Variants in SFMBT2 observed in about 807,000 individuals in gnomAD.
SFMBT2 encodes Scm like with four mbt domains 2.
Under a neutral mutation model 110.1 loss-of-function variants are expected in SFMBT2, and 38 were observed. The ratio of observed to expected loss-of-function variants is 0.35; its 90% CI spans 0.27 to 0.45. The LOEUF is 0.45. Among genes scored for constraint, SFMBT2 ranks in the 20% least tolerant of loss-of-function variants. SFMBT2 has a pLI of 1.00. For missense variants in SFMBT2, 1,011 were observed against 1,094.9 expected, an observed-to-expected ratio of 0.92 and a Z score of 1.08; for synonymous variants, 425 against 425.4, an observed-to-expected ratio of 1.00 and a Z score of 0.01.
At chr10:7,392,280 C>T (rs1435355438) in intron 1 of SFMBT2, among the ~76,000 whole-genome samples, 2 of 152,104 alleles carry the variant, frequency 1.3e-5, no homozygotes, top group African/African-American at 2.4e-5. Flanking sequence ...TTTGGGAGGC[C>T]GAGGTGGGCG....
At chr10:7,165,769 T>C (rs1244131129) in intron 20 of SFMBT2, among the ~76,000 whole-genome samples, 1 of 152,216 alleles carries the variant, frequency 6.6e-6, no homozygotes, top group African/African-American at 2.4e-5. Flanking sequence ...TCATGCTATG[T>C]TTATATCATT....
At position 7,172,839 on chromosome 10, in the gene SFMBT2, G is replaced by A. The variant is rs1588764004; in HGVS notation, c.1985-178C>T. 6.6e-6 allele frequency among the ~76,000 whole-genome samples: 1 copy of A among 152,342 alleles called. No homozygotes were observed. The highest frequency in any genetic ancestry group is 1.9e-4 in the East Asian group (1 of 5,186). On this transcript the variant is annotated intron_variant, in intron 17 of 20. Transcript: ENST00000397167. This position sits in a 1 kb window ranked among gnomAD's most constrained non-coding sequence, Gnocchi z 4.6. ...GCACTGCTCCAAAGCTTCAGGTCTG[G>A]AAGGTGTTCGGGCTGAACTTGGCCC...
intron 4 of SFMBT2, among the ~76,000 whole-genome samples, chr10:7,357,415 T>C (rs183442175): frequency 1.3e-5 from 2 of 152,060 alleles, no homozygotes; most frequent in East Asian, 3.9e-4. Context: ...CCAAATAGAT[T>C]GAAAGGCTGA....
At chr10:7,240,807 C>T (rs1458352118) in intron 9 of SFMBT2, among the ~76,000 whole-genome samples, 1 of 152,146 alleles carries the variant, frequency 6.6e-6, no homozygotes, top group African/African-American at 2.4e-5. Flanking sequence ...GTGTGCTCTT[C>T]TGAGGTTATT....
intron 4 of SFMBT2, among the ~76,000 whole-genome samples, chr10:7,330,690 ATCTC>A (rs1197870445): frequency 6.6e-6 from 1 of 151,634 alleles, no homozygotes; most frequent in African/African-American, 2.4e-5. Flanking sequence ...TCTTCCTCCC[ATCTC>A]TCTCTATCCC....
intron 10 of SFMBT2, among the ~76,000 whole-genome samples, chr10:7,221,650 T>A (rs1248595176): frequency 6.6e-6 from 1 of 152,182 alleles, no homozygotes; most frequent in African/African-American, 2.4e-5. Flanking sequence ...TTTGAAACTA[T>A]CTTTATTTTC....
At chr10:7,176,924 GC>G (rs1435415248) in intron 16 of SFMBT2, among the ~76,000 whole-genome samples, 75 of 152,188 alleles carry the variant, frequency 4.9e-4, no homozygotes, top group African/African-American at 1.8e-3. Context: ...GGAAAAGGCT[GC>G]TGTATCTCTC....
At chr10:7,213,521 G>A (rs1337352947) in intron 11 of SFMBT2, among the ~76,000 whole-genome samples, 3 of 152,198 alleles carry the variant, frequency 2.0e-5, no homozygotes, top group East Asian at 1.9e-4. Flanking sequence ...TGAGGATGCC[G>A]TGGCTTCCGA....
At chr10:7,296,973 CCT>C (rs147882116) in intron 4 of SFMBT2, among the ~76,000 whole-genome samples, 6 of 152,320 alleles carry the variant, frequency 3.9e-5, no homozygotes, top group Non-Finnish European at 7.4e-5. Flanking sequence ...GCAACTCTTC[CCT>C]GAGTCCCCTG....
intron 4 of SFMBT2, among the ~76,000 whole-genome samples, chr10:7,310,305 G>A (rs578105347): frequency 4.6e-5 from 7 of 152,282 alleles, no homozygotes; most frequent in African/African-American, 1.2e-4. Context: ...GTGCAAAACC[G>A]GGCATGAATG....
intron 4 of SFMBT2, among the ~76,000 whole-genome samples, chr10:7,338,465 C>T (rs1056546265): frequency 9.2e-5 from 14 of 152,086 alleles, no homozygotes; most frequent in Admixed American, 2.0e-4. Context: ...GTATTATGTG[C>T]GGTACTCTTA....
intron 4 of SFMBT2, among the ~76,000 whole-genome samples, chr10:7,350,916 C>T (rs1201099049): frequency 6.6e-6 from 1 of 152,174 alleles, no homozygotes; most frequent in Non-Finnish European, 1.5e-5. Context: ...TTGGTAGTAG[C>T]CACACACCCT....
intron 17 of SFMBT2, among the ~76,000 whole-genome samples, chr10:7,174,477 GTCC>G (rs1411343393): frequency 1.3e-5 from 2 of 152,188 alleles, no homozygotes; most frequent in East Asian, 1.9e-4. Context: ...ATATCATTCT[GTCC>G]TCCTCCCACT....
rs762201192 is a variant in SFMBT2, at chr10:7,176,038, A to G, written c.1936T>C (p.Ser646Pro). Reference sequence around the variant, plus strand: ...GAGCAGTTCTCTGGGCAGTTTTCAGATATCAGCACAGGACTAAACAAATTT... The same window carrying G: ...GAGCAGTTCTCTGGGCAGTTTTCAGGTATCAGCACAGGACTAAACAAATTT... Reference protein sequence around the residue: ...CPNLFSPVLISENCPENCSIH... With the variant: ...CPNLFSPVLIPENCPENCSIH... The change falls in exon 17 of 21, where the codon TCT becomes CCT. Residue 646 changes from serine to proline, a missense_variant. Ser to Pro is a moderately conservative substitution (Grantham distance 74). This residue lies in a region of SFMBT2 where 979 missense variants were observed against 1,016.1 expected (regional missense o/e 0.96). Transcript: ENST00000397167. 6.8e-6 allele frequency: 11 copies of G among 1,614,112 alleles called. No individual in the cohort carries two copies. In the East Asian group the frequency reaches 1.1e-4, roughly 16 times the overall value.
chr10:7,266,427 T>G (rs1390212272), intron 7 of SFMBT2, among the ~76,000 whole-genome samples: 1 of 151,962 alleles, frequency 6.6e-6, no homozygotes, highest in Non-Finnish European at 1.5e-5. Flanking sequence ...CCGTAGGAAG[T>G]GAGGGAAGGG....
chr10:7,314,959 AAAG>A (rs1380673451), intron 4 of SFMBT2, among the ~76,000 whole-genome samples: 5 of 150,482 alleles, frequency 3.3e-5, no homozygotes, highest in African/African-American at 7.4e-5. Flanking sequence ...GAGAGAAAGA[AAAG>A]AGAGAGAGAG....
chr10:7,407,271 C>T (rs900648757), intron 1 of SFMBT2, among the ~76,000 whole-genome samples: 43 of 138,114 alleles, frequency 3.1e-4, no homozygotes, highest in Non-Finnish European at 5.6e-4. Context: ...CCCCAGGAAA[C>T]GAGGCCACAT....
chr10:7,314,538 T>C (rs1842934611), intron 4 of SFMBT2, among the ~76,000 whole-genome samples: 1 of 152,206 alleles, frequency 6.6e-6, no homozygotes, highest in Admixed American at 6.5e-5. Context: ...GTGTAAGATG[T>C]TGGGTTATTA....
chr10:7,393,192 G>T (rs1588507114), intron 1 of SFMBT2, among the ~76,000 whole-genome samples: 1 of 151,650 alleles, frequency 6.6e-6, no homozygotes, highest in African/African-American at 2.4e-5. Flanking sequence ...AACCACACCT[G>T]GCTAATGTTT....
Sources: gnomAD v4.1 joint callset for allele counts (sites outside exome capture counted in the v4.1 genomes callset) on GRCh38, gnomAD v4.1.1 for gene constraint, gnomAD v4.1.1 regional missense constraint, Gnocchi (gnomAD v3.1) non-coding constraint, MANE v1.5 for transcripts, NCBI Gene and HGNC (gene_info 2026-07-23, HGNC 2026-07-21) for gene names.